Variants in UGT1A9 observed in about 807,000 individuals in gnomAD.
The protein encoded by UGT1A9 is UDP-glucuronosyltransferase 1A9.
A neutral mutation model predicts 45.0 loss-of-function variants in UGT1A9; 35 were observed. The ratio of observed to expected loss-of-function variants is 0.78; its 90% CI spans 0.59 to 1.03. UGT1A9 has a LOEUF of 1.03. Among genes scored for constraint, UGT1A9 ranks in the 50% least tolerant of loss-of-function variants. The pLI is 0.00. For synonymous variants in UGT1A9, 278 were observed against 250.6 expected (o/e 1.11, Z -1.03); for missense variants, 687 against 666.6 (o/e 1.03, Z -0.34).
chr2:233,743,990 C>T (rs541433916), intron 1 of UGT1A9: 26 of 1,267,206 alleles, frequency 2.1e-5, no homozygotes, highest in Admixed American at 2.4e-5. Context: ...GGCGCAGGCC[C>T]GAGTGCTCGG....
intron 1 of UGT1A9, among the ~76,000 whole-genome samples, chr2:233,700,049 A>G (rs1170683742): frequency 6.6e-6 from 1 of 152,212 alleles, no homozygotes; most frequent in Non-Finnish European, 1.5e-5. Context: ...ATCAATTCCA[A>G]GTGAATCCAG....
intron 1 of UGT1A9, among the ~76,000 whole-genome samples, chr2:233,724,413 G>A (rs1179316008): frequency 7.1e-6 from 1 of 141,162 alleles, no homozygotes; most frequent in Non-Finnish European, 1.5e-5. Context: ...TGGGGTGGCT[G>A]CCGGGCGGAG....
intron 1 of UGT1A9, among the ~76,000 whole-genome samples, chr2:233,686,742 C>T (rs2074802752): frequency 6.6e-6 from 1 of 152,192 alleles, no homozygotes; most frequent in Non-Finnish European, 1.5e-5. Flanking sequence ...TCTTGCCTTC[C>T]CTAGCCTCAC....
intron 1 of UGT1A9, among the ~76,000 whole-genome samples, chr2:233,725,759 T>G (rs1335520276): frequency 6.6e-6 from 1 of 152,194 alleles, no homozygotes; most frequent in Non-Finnish European, 1.5e-5. Context: ...GACTTACATT[T>G]TCTTCACATA....
chr2:233,677,349 G>A (rs1383112732), intron 1 of UGT1A9, among the ~76,000 whole-genome samples: 1 of 152,106 alleles, frequency 6.6e-6, no homozygotes, highest in Non-Finnish European at 1.5e-5. Flanking sequence ...CCTGAACAAT[G>A]TGGGAATGAA....
At chr2:233,757,562 G>A (rs1976390) in intron 1 of UGT1A9, among the ~76,000 whole-genome samples, 12,378 of 80,798 alleles carry the variant, frequency 0.15, 1,302 homozygotes, top group African/African-American at 0.2. Context: ...ATATATATAT[G>A]TATATATGAT....
chr2:233,758,772 T>G lies in UGT1A9; in HGVS notation c.856-8262T>G, dbSNP rs34118072. Reference sequence around the variant, plus strand: ...GCCAGTGATGTGTATGGTTCAAATGTTGGGATCTGTGCAGTTATCTTGGAA... The same window carrying G: ...GCCAGTGATGTGTATGGTTCAAATGGTGGGATCTGTGCAGTTATCTTGGAA... On this transcript the variant is annotated intron_variant, in intron 1 of 4. Coordinates refer to ENST00000354728, the MANE Select transcript of UGT1A9 (RefSeq NM_021027.3). Among the ~76,000 whole-genome samples, 852 of 152,332 alleles carry G rather than the reference T, an allele frequency of 5.6e-3. 11 individuals carry two copies. The highest frequency in any genetic ancestry group is 0.02 in the African/African-American group (820 of 41,568).
chr2:233,682,079 C>T lies in UGT1A9; in HGVS notation c.855+9290C>T, dbSNP rs1575428068. 3.1e-6 allele frequency: 5 copies of T among 1,614,000 alleles called. No individual in the cohort carries two copies. In the South Asian group the frequency reaches 5.5e-5, roughly 18 times the overall value. Reference sequence around the variant, plus strand: ...CACCATGCAGTCGGTGGTGGAGAAACTCATCCTCAGGGGGCATGAGGTGGT... The same window carrying T: ...CACCATGCAGTCGGTGGTGGAGAAATTCATCCTCAGGGGGCATGAGGTGGT... On this transcript the variant is annotated intron_variant, in intron 1 of 4. Coordinates refer to ENST00000354728, the MANE Select transcript of UGT1A9 (RefSeq NM_021027.3).
intron 1 of UGT1A9, among the ~76,000 whole-genome samples, chr2:233,705,552 T>C (rs2075856587): frequency 1.3e-5 from 2 of 152,186 alleles, no homozygotes; most frequent in Non-Finnish European, 1.5e-5. Flanking sequence ...CAGCTGGTGA[T>C]ATTGCTTGTG....
intron 1 of UGT1A9, among the ~76,000 whole-genome samples, chr2:233,748,555 G>A (rs1257442595): frequency 2.6e-5 from 4 of 151,888 alleles, no homozygotes; most frequent in South Asian, 2.1e-4. Flanking sequence ...CTAAGCACTC[G>A]CAGGAAGTAG....
intron 1 of UGT1A9, chr2:233,713,941 T>A: frequency 6.2e-7 from 1 of 1,610,292 alleles, no homozygotes; most frequent in Non-Finnish European, 8.5e-7. Context: ...TGCTTCCATA[T>A]CTACTTATCT....
At chr2:233,693,510 A>G in intron 1 of UGT1A9, 1 of 1,614,092 alleles carries the variant, frequency 6.2e-7, no homozygotes, top group Non-Finnish European at 8.5e-7. Context: ...CCATCTGTGT[A>G]CCTCTTCAGG....
intron 1 of UGT1A9, among the ~76,000 whole-genome samples, chr2:233,674,826 G>A (rs760592021): frequency 6.6e-6 from 1 of 152,188 alleles, no homozygotes; most frequent in Non-Finnish European, 1.5e-5. Flanking sequence ...CCGGCAAAGA[G>A]CCTTGGATAT....
At chr2:233,676,740 G>A (rs1315803539) in intron 1 of UGT1A9, among the ~76,000 whole-genome samples, 5 of 152,122 alleles carry the variant, frequency 3.3e-5, no homozygotes, top group African/African-American at 4.8e-5. Flanking sequence ...TGTTTTCATC[G>A]TGGTAAAACT....
chr2:233,768,820 G>A (rs1699735908), intron 4 of UGT1A9, among the ~76,000 whole-genome samples: 1 of 151,998 alleles, frequency 6.6e-6, no homozygotes, highest in Non-Finnish European at 1.5e-5. Flanking sequence ...CTGACTTCAG[G>A]TGATCCACCT....
intron 1 of UGT1A9, chr2:233,693,915 C>A: frequency 6.2e-7 from 1 of 1,611,846 alleles, no homozygotes; most frequent in Non-Finnish European, 8.5e-7. Context: ...CAGGCTCTGT[C>A]CTCCCTCACT....
intron 1 of UGT1A9, among the ~76,000 whole-genome samples, chr2:233,732,245 G>A (rs1417876377): frequency 2.0e-5 from 3 of 152,190 alleles, no homozygotes; most frequent in Non-Finnish European, 4.4e-5. Context: ...TAGGTTGCCT[G>A]TTCACTCTGA....
chr2:233,740,013 C>A (rs28899769), intron 1 of UGT1A9, among the ~76,000 whole-genome samples: 1 of 151,838 alleles, frequency 6.6e-6, no homozygotes, highest in African/African-American at 2.4e-5. Context: ...AGTGAGTTCT[C>A]ATGAGAGCTG....
intron 4 of UGT1A9, chr2:233,771,576 T>C (rs1332686610): frequency 6.6e-6 from 1 of 152,308 alleles, no homozygotes; most frequent in Admixed American, 6.5e-5. Flanking sequence ...GGTGGTTGTT[T>C]ACAACTTCAA....
Sources: allele counts gnomAD v4.1 joint callset (sites outside exome capture counted in the v4.1 genomes callset), GRCh38; gene constraint gnomAD v4.1.1; transcripts MANE v1.5; gene names NCBI Gene and HGNC (gene_info 2026-07-23, HGNC 2026-07-21).